Variants in ATP11A observed in about 807,000 individuals in gnomAD.
ATP11A encodes phospholipid-transporting ATPase IH.
Under a neutral mutation model 154.4 loss-of-function variants are expected in ATP11A, and 81 were observed. The ratio of observed to expected loss-of-function variants is 0.52; its 90% confidence interval spans 0.44 to 0.63. The LOEUF is 0.63. Among genes scored for constraint, ATP11A ranks in the 30% least tolerant of loss-of-function variants. The pLI is 0.00. For synonymous variants in ATP11A, 623 were observed against 585.9 expected (o/e 1.06, Z -0.91); for missense variants, 1,316 against 1,474.3 (o/e 0.89, Z 1.76).
At position 112,873,467 on chromosome 13, in the gene ATP11A, C is replaced by G. The variant is rs61961614; in HGVS notation, c.3058-106C>G. 4.6e-4 allele frequency: 292 copies of G among 628,566 alleles called. 6 individuals are homozygous for G. The African/African-American group carries it at 5.0e-3, about 11-fold the overall frequency. The allele number at this position is 628,566 out of a possible 1,614,324, so 38.9% of individuals were successfully genotyped here. A position where few individuals can be genotyped will look rare whatever the true frequency, so the allele number is the denominator to read the frequency against. On this transcript the variant is annotated intron_variant, in intron 26 of 29. Transcript: ENST00000375645. ...ATTGAGTCGTCATTGCTGGGTCTTG[C>G]GTTTGGTTTAGTTTCTCGTCACCCC... is the stretch of plus-strand genomic sequence containing the variant.
intron 2 of ATP11A, among the ~76,000 whole-genome samples, chr13:112,799,458 A>G (rs2078077748): frequency 6.6e-6 from 1 of 152,130 alleles, no homozygotes; most frequent in Admixed American, 6.5e-5. Context: ...TATGTAGTGG[A>G]AAATTACAGT....
intron 1 of ATP11A, among the ~76,000 whole-genome samples, chr13:112,768,884 C>T (rs934932201): frequency 1.3e-5 from 2 of 152,220 alleles, no homozygotes; most frequent in Non-Finnish European, 2.9e-5. Context: ...GGCGGAGTTG[C>T]TGCTCATTCT....
chr13:112,843,235 G>A (rs1165182172), intron 17 of ATP11A, among the ~76,000 whole-genome samples: 2 of 152,194 alleles, frequency 1.3e-5, no homozygotes, highest in Non-Finnish European at 2.9e-5. Context: ...TGGCTGGGGT[G>A]GACGCACTCC....
chr13:112,778,996 G>A (rs1249980134), intron 1 of ATP11A, among the ~76,000 whole-genome samples: 5 of 140,036 alleles, frequency 3.6e-5, no homozygotes, highest in African/African-American at 1.1e-4. Context: ...AGCCGCTGGA[G>A]TGAAGAGTAG....
chr13:112,708,425 A>G lies in ATP11A; in HGVS notation c.39+17970A>G, dbSNP rs112238262. Among the ~76,000 whole-genome samples, 158 of 152,288 alleles carry G rather than the reference A, an allele frequency of 1.0e-3. 1 individual carries two copies. Among genetic ancestry groups the G allele is most frequent in the African/African-American group, 3.6e-3 (149 of 41,566 alleles). On this transcript the variant is annotated intron_variant, in intron 1 of 29. Coordinates refer to ENST00000375645, the MANE Select transcript of ATP11A (RefSeq NM_015205.3). ...TTATTAGTAAGAAACTTAATTGTAA[A>G]ATGGAGTAATTATATATTTTACATC...
At chr13:112,727,394 A>G (rs1180590214) in intron 1 of ATP11A, among the ~76,000 whole-genome samples, 5 of 152,232 alleles carry the variant, frequency 3.3e-5, no homozygotes, top group Non-Finnish European at 5.9e-5. Context: ...TAGCAAGTTT[A>G]CTATATTTAT....
chr13:112,700,134 T>C (rs1180370761), intron 1 of ATP11A, among the ~76,000 whole-genome samples: 2 of 151,936 alleles, frequency 1.3e-5, no homozygotes, highest in East Asian at 3.9e-4. Context: ...GAAGGTTTGT[T>C]ACATGTGAAA....
chr13:112,793,001 T>C (rs1033068999), intron 2 of ATP11A, among the ~76,000 whole-genome samples: 1 of 152,200 alleles, frequency 6.6e-6, no homozygotes, highest in Non-Finnish European at 1.5e-5. Flanking sequence ...TTTCATGACT[T>C]CTATTTGTAT....
chr13:112,797,260 G>A (rs1350073368), intron 2 of ATP11A, among the ~76,000 whole-genome samples: 2 of 127,448 alleles, frequency 1.6e-5, no homozygotes, highest in African/African-American at 6.3e-5. Flanking sequence ...TCCACCCTGG[G>A]CAGCCAGAGT....
chr13:112,711,919 GC>G (rs1272039744), intron 1 of ATP11A, among the ~76,000 whole-genome samples: 1 of 152,172 alleles, frequency 6.6e-6, no homozygotes, highest in Non-Finnish European at 1.5e-5. Context: ...TAGATAAGGA[GC>G]GGGTGGAGGG....
chr13:112,771,756 C>T (rs1169090184), intron 1 of ATP11A, among the ~76,000 whole-genome samples: 45 of 152,370 alleles, frequency 3.0e-4, no homozygotes, highest in Non-Finnish European at 1.2e-4. Context: ...CAAGCCACTC[C>T]TCACATCAGT....
chr13:112,731,316 CTAAAGAAAACAGATTAGCTTTATT>C (rs1212315080), intron 1 of ATP11A, among the ~76,000 whole-genome samples: 1 of 140,116 alleles, frequency 7.1e-6, no homozygotes, highest in African/African-American at 3.3e-5. Context: ...AGCTTTATTA[CTAAAGAAAACAGATTAGCTTTATT>C]ACTAAAGAAA....
chr13:112,749,770 G>A (rs895269302), intron 1 of ATP11A, among the ~76,000 whole-genome samples: 3 of 148,590 alleles, frequency 2.0e-5, no homozygotes, highest in African/African-American at 5.0e-5. Flanking sequence ...ATCCTCCCAC[G>A]TGGGGACACG....
At chr13:112,849,436 C>T (rs1190776937) in intron 17 of ATP11A, among the ~76,000 whole-genome samples, 2 of 152,250 alleles carry the variant, frequency 1.3e-5, no homozygotes, top group Non-Finnish European at 2.9e-5. Context: ...AAAGCAGCGA[C>T]ATATTTATTT....
intron 2 of ATP11A, among the ~76,000 whole-genome samples, chr13:112,793,819 C>T (rs1019206404): frequency 4.6e-5 from 7 of 152,362 alleles, no homozygotes; most frequent in African/African-American, 9.6e-5. Flanking sequence ...GGGTTCGTCT[C>T]GCAGCCAGAG....
At chr13:112,881,501 G>A in intron 29 of ATP11A, 1 of 1,105,368 alleles carries the variant, frequency 9.0e-7, no homozygotes, top group Non-Finnish European at 1.1e-6. Context: ...AAGCTCGTAG[G>A]TTTCCCGTCC....
In ATP11A at chr13:112,872,387, G is replaced by C. The variant is rs534407239; in HGVS notation, c.3057+587G>C. Among the ~76,000 whole-genome samples, 3 of 152,232 alleles carry C rather than the reference G, an allele frequency of 2.0e-5. 1 individual carries two copies. In the South Asian group the frequency reaches 6.2e-4, roughly 31 times the overall value. Reference sequence around the variant, plus strand: ...ACACTTTGGGAGGCCAAGGTGGATGGATCACCTGAGGTCAGCAGTTCGAGA... The same window carrying C: ...ACACTTTGGGAGGCCAAGGTGGATGCATCACCTGAGGTCAGCAGTTCGAGA... On this transcript the variant is annotated intron_variant, in intron 26 of 29. Transcript: ENST00000375645.
rs1167503377 is a variant in ATP11A, at chr13:112,854,431, C to T, written c.2144C>T (p.Thr715Ile). 6.2e-7 allele frequency: 1 copy of T among 1,613,312 alleles called. No homozygotes were observed. Among genetic ancestry groups the T allele is most frequent in the Non-Finnish European group, 8.5e-7 (1 of 1,180,030 alleles). The change falls in exon 19 of 30, where the codon ACC becomes ATC. Residue 715 changes from threonine to isoleucine, a missense_variant. Physicochemically the swap from Thr to Ile is moderately conservative, Grantham distance 89. This residue lies in a region of ATP11A where 876 missense variants were observed against 1,006.8 expected (regional missense o/e 0.87). Coordinates refer to ENST00000375645, the MANE Select transcript of ATP11A (RefSeq NM_015205.3). ...AACACGCAGCTGCTGGAGCTGACCA[C>T]CAAGAGGATCGAGGAGCAGAGCCTG... ...RRNTQLLELT[T>I]KRIEEQSLHD...
At chr13:112,719,652 TTACTTCA>T (rs1334081721) in intron 1 of ATP11A, among the ~76,000 whole-genome samples, 2 of 10,600 alleles carry the variant, frequency 1.9e-4, no homozygotes, top group East Asian at 0.029. Context: ...GAACTTCAGG[TTACTTCA>T]GGTTACTTCA....
Sources: allele counts gnomAD v4.1 joint callset (sites outside exome capture counted in the v4.1 genomes callset), GRCh38; gene constraint gnomAD v4.1.1; regional missense constraint gnomAD v4.1.1; transcripts MANE v1.5; gene names NCBI Gene and HGNC (gene_info 2026-07-23, HGNC 2026-07-21).